ZFPM1: variants seen among roughly 807,000 people sequenced by gnomAD.
The protein encoded by ZFPM1 is zinc finger protein, FOG family member 1, also known as zinc finger protein ZFPM1.
ZFPM1 carries 28 observed loss-of-function variants against 46.3 expected under a neutral mutation model. The observed-to-expected ratio is 0.60, with a 90% confidence interval of 0.45 to 0.83. The LOEUF (loss-of-function observed/expected upper bound fraction) is 0.83, where lower values mean the gene tolerates loss of function less well. ZFPM1 is among the 40% of genes least tolerant of loss of function. The pLI, the probability that ZFPM1 is intolerant of heterozygous loss-of-function variation, is 0.00. For missense variants in ZFPM1, 1,878 were observed against 1,432.4 expected (o/e 1.31, Z -5.02); for synonymous variants, 957 against 675.9 (o/e 1.42, Z -6.45).
At chr16:88,528,647 G>C (rs1424130232) in intron 6 of ZFPM1, among the ~76,000 whole-genome samples, 11 of 152,208 alleles carry the variant, frequency 7.2e-5, no homozygotes, top group African/African-American at 2.2e-4. Flanking sequence ...GACACCACGG[G>C]GGGTGAGCGG....
intron 1 of ZFPM1, among the ~76,000 whole-genome samples, chr16:88,464,908 T>C (rs12595858): frequency 0.44 from 66,497 of 152,024 alleles, 16,196 homozygotes; most frequent in African/African-American, 0.64. Flanking sequence ...AGCGATCCGC[T>C]GCCTATCTCG....
intron 1 of ZFPM1, among the ~76,000 whole-genome samples, chr16:88,458,353 C>T (rs1211460924): frequency 6.6e-6 from 1 of 152,308 alleles, no homozygotes; most frequent in Non-Finnish European, 1.5e-5. Flanking sequence ...GAGGGGGTCC[C>T]CTGGGAGGCT....
chr16:88,475,032 G>T (rs1414103602), intron 1 of ZFPM1, among the ~76,000 whole-genome samples: 4 of 152,248 alleles, frequency 2.6e-5, no homozygotes, highest in Non-Finnish European at 5.9e-5. Context: ...GACAGGTCTG[G>T]CTGCTCTCTG....
intron 5 of ZFPM1, 115 bp from the exon 6 acceptor site, chr16:88,527,917 C>G: frequency 9.1e-7 from 1 of 1,097,022 alleles, no homozygotes; most frequent in East Asian, 2.9e-5. Flanking sequence ...AGCCAGCCAG[C>G]CATGGCTGTG....
chr16:88,455,240 C>CA (rs1179368879), intron 1 of ZFPM1, among the ~76,000 whole-genome samples: 4 of 151,932 alleles, frequency 2.6e-5, no homozygotes, highest in Admixed American at 1.3e-4. Context: ...AACCGATCTC[C>CA]AGCGCTGATA....
At chr16:88,503,013 C>A (rs776231773) in intron 3 of ZFPM1, among the ~76,000 whole-genome samples, 2 of 152,260 alleles carry the variant, frequency 1.3e-5, no homozygotes, top group Non-Finnish European at 1.5e-5. Context: ...AGGCTGTGTG[C>A]GGTCTCTTCG....
In ZFPM1 at chr16:88,534,222, C is replaced by A; in HGVS notation, c.2264C>A (p.Pro755Gln). 1.0e-6 allele frequency: 1 copy of A among 983,452 alleles called. No individual in the cohort carries two copies. The highest frequency in any genetic ancestry group is 4.5e-5 in the South Asian group (1 of 22,086). 60.9% of individuals were successfully genotyped at this position (983,452 alleles called of 1,614,324 possible). ...TACGAGCTGCACGCGGCCGGCGCCC[C>A]GCCCCCCCCGCCGCCCGGCCACGCC... ...KLYELHAAGA[P>Q]PPPPPGHAPA... is the part of the protein sequence containing the mutation. The change falls in exon 10 of 10, where the codon CCG becomes CAG. Residue 755 changes from proline (P) to glutamine (Q), a missense_variant. Pro to Gln is a moderately conservative substitution (Grantham distance 76). Transcript: ENST00000319555.
At chr16:88,466,016 C>T (rs964393179) in intron 1 of ZFPM1, among the ~76,000 whole-genome samples, 1 of 152,176 alleles carries the variant, frequency 6.6e-6, no homozygotes, top group African/African-American at 2.4e-5. Context: ...GAGGCAGTGG[C>T]CCGGCCGCTC....
rs370529727 is a variant in ZFPM1 at position 88,522,782 on chromosome 16, G to A, written c.403-4032G>A. On this transcript the variant is annotated intron_variant, in intron 4 of 9. Transcript: ENST00000319555. ...AACAGGGTGGGCTCTAGCGTCCTCC[G>A]TGGACCCTGGACACACCTGCCTGAC... 1.7e-4 allele frequency among the ~76,000 whole-genome samples: 26 copies of A among 152,314 alleles called. No homozygotes were observed. The South Asian group carries it at 3.9e-3, about 23-fold the overall frequency.
intron 3 of ZFPM1, among the ~76,000 whole-genome samples, chr16:88,491,918 G>A (rs953752562): frequency 1.8e-4 from 27 of 152,314 alleles, no homozygotes; most frequent in Non-Finnish European, 2.8e-4. Flanking sequence ...CGGCCCGTGC[G>A]TCGATGGCCA....
chr16:88,488,184 C>T (rs573457683), intron 2 of ZFPM1, among the ~76,000 whole-genome samples: 5 of 152,186 alleles, frequency 3.3e-5, no homozygotes, highest in Non-Finnish European at 7.4e-5. Flanking sequence ...CTGCAGGGCG[C>T]CCTGATGGAG....
At chr16:88,488,416 C>A (rs1052007072) in intron 2 of ZFPM1, among the ~76,000 whole-genome samples, 2 of 152,242 alleles carry the variant, frequency 1.3e-5, no homozygotes, top group African/African-American at 4.8e-5. Context: ...TGCCGCTTGG[C>A]GGGTCCAGCG....
chr16:88,502,179 C>T (rs1421793699), intron 3 of ZFPM1, among the ~76,000 whole-genome samples: 6 of 151,820 alleles, frequency 4.0e-5, no homozygotes, highest in East Asian at 3.9e-4. Context: ...CGGCCGTGGA[C>T]GCAGCTGATA....
chr16:88,531,996 C>T lies in ZFPM1; in HGVS notation c.713-6C>T, dbSNP rs1384473582. 1.3e-6 allele frequency: 2 copies of T among 1,594,088 alleles called. No homozygotes were observed. The highest frequency in any genetic ancestry group is 2.2e-5 in the South Asian group (2 of 89,332). ...AGCCTGACCCCGCCTGCTTCCCACC[C>T]CACAGAAGACGTCTTCCCCTGCAAG... On this transcript the variant is annotated splice_region_variant and splice_polypyrimidine_tract_variant and intron_variant, in intron 6 of 9. Coordinates refer to ENST00000319555, the MANE Select transcript of ZFPM1 (RefSeq NM_153813.3).
chr16:88,491,705 C>G (rs973349184), intron 3 of ZFPM1, among the ~76,000 whole-genome samples: 3 of 152,214 alleles, frequency 2.0e-5, no homozygotes, highest in Non-Finnish European at 2.9e-5. Context: ...CACCCCCGAG[C>G]TTCCTGTGCT....
rs1048400107 is a variant in ZFPM1 at position 88,536,316 on chromosome 16, C to T, written c.*1337C>T. The T allele has an allele frequency of 5.3e-5, 8 of 152,216 alleles. No individual in the cohort carries two copies. The highest frequency in any genetic ancestry group is 1.9e-4 in the African/African-American group (8 of 41,450). The allele number at this position is 152,216 out of a possible 1,614,324, so 9.4% of individuals were successfully genotyped here. A position where few individuals can be genotyped will look rare whatever the true frequency, so the allele number is the denominator to read the frequency against. On this transcript the variant is annotated 3_prime_UTR_variant, in exon 10 of 10. Transcript: ENST00000319555. ...CCTCCCAAGTAGCTGGGACTACAGG[C>T]TTGACCCACCACACCTGGCTAACTT...
At chr16:88,533,022 GGTCC>G (rs1404772985) in intron 9 of ZFPM1, 87 bp downstream of exon 9, 2 of 1,561,860 alleles carry the variant, frequency 1.3e-6, no homozygotes, top group Non-Finnish European at 1.7e-6. Context: ...GACAGGTGGG[GGTCC>G]GTTTCAGCCT....
rs897114482 is a variant in ZFPM1, at chr16:88,471,543, A to T, written c.41-14396A>T. Among the ~76,000 whole-genome samples, 5 of 152,018 alleles carry T rather than the reference A, an allele frequency of 3.3e-5. No individual in the cohort carries two copies. In the South Asian group the frequency reaches 1.0e-3, roughly 32 times the overall value. On this transcript the variant is annotated intron_variant, in intron 1 of 9. Coordinates refer to ENST00000319555, the MANE Select transcript of ZFPM1 (RefSeq NM_153813.3). The surrounding 1 kb of genome is among the most constrained non-coding windows in gnomAD (Gnocchi z 4.1). Reference sequence around the variant, plus strand: ...ATAGTGGAGGGGCCAAGACCCCAAGATGACCATGGCTGCGGTGGCTCCTGC... The same window carrying T: ...ATAGTGGAGGGGCCAAGACCCCAAGTTGACCATGGCTGCGGTGGCTCCTGC...
chr16:88,513,818 C>T lies in ZFPM1; in HGVS notation c.269-569C>T, dbSNP rs140723519. On this transcript the variant is annotated intron_variant, in intron 3 of 9. Transcript: ENST00000319555. ...ACTCTCAGCTTCTGGGGGCTTCAGG[C>T]GACCCTCATGGCTGCCTCCCATCTC... 1.6e-3 allele frequency among the ~76,000 whole-genome samples: 246 copies of T among 152,276 alleles called. 1 individual carries two copies. Among genetic ancestry groups the T allele is most frequent in the African/African-American group, 5.6e-3 (232 of 41,548 alleles).
Sources: allele counts gnomAD v4.1 joint callset (sites outside exome capture counted in the v4.1 genomes callset), GRCh38; gene constraint gnomAD v4.1.1; non-coding constraint Gnocchi (gnomAD v3.1); transcripts MANE v1.5; gene names NCBI Gene and HGNC (gene_info 2026-07-23, HGNC 2026-07-21).